The following ZBTB16 variants were observed in gnomAD, a reference collection of about 807,000 sequenced individuals.
ZBTB16 encodes the protein zinc finger and BTB domain containing 16, also known as zinc finger and BTB domain-containing protein 16.
A neutral mutation model predicts 56.8 loss-of-function variants in ZBTB16; 8 were observed. The observed-to-expected ratio is 0.14, with a 90% CI of 0.08 to 0.25. The LOEUF (loss-of-function observed/expected upper bound fraction) is 0.25, where lower values mean the gene tolerates loss of function less well. ZBTB16 is among the 10% of genes least tolerant of loss of function. The pLI is 1.00. For synonymous variants in ZBTB16, 363 were observed against 368.5 expected (o/e 0.98, Z 0.17); for missense variants, 625 against 903.0 (o/e 0.69, Z 3.95).
At chr11:114,085,798 G>A (rs531489639) in intron 2 of ZBTB16, among the ~76,000 whole-genome samples, 1 of 152,138 alleles carries the variant, frequency 6.6e-6, no homozygotes, top group Admixed American at 6.5e-5. Context: ...CATGGGGTAG[G>A]ATGGGAGATC....
chr11:114,244,932 C>T (rs1251529960), intron 5 of ZBTB16, among the ~76,000 whole-genome samples: 1 of 152,182 alleles, frequency 6.6e-6, no homozygotes, highest in Admixed American at 6.5e-5. Flanking sequence ...TGAAGTCTCA[C>T]GTGGCCTTGG....
At chr11:114,100,770 GACTGGGAT>G (rs1316547048) in intron 2 of ZBTB16, among the ~76,000 whole-genome samples, 1 of 152,180 alleles carries the variant, frequency 6.6e-6, no homozygotes, top group Non-Finnish European at 1.5e-5. Flanking sequence ...CCTTTTATAA[GACTGGGAT>G]ACTTACAAAC....
At chr11:114,148,668 T>C (rs184192227) in intron 2 of ZBTB16, among the ~76,000 whole-genome samples, 2,097 of 151,518 alleles carry the variant, frequency 0.014, 36 homozygotes, top group African/African-American at 0.042. Flanking sequence ...TAATTTTTTG[T>C]ATTTTTAGTA....
chr11:114,090,578 C>G (rs982889511), intron 2 of ZBTB16, among the ~76,000 whole-genome samples: 4 of 152,182 alleles, frequency 2.6e-5, no homozygotes, highest in Non-Finnish European at 4.4e-5. Flanking sequence ...GGGCTGAGGT[C>G]TAGGCAGGCA....
At chr11:114,122,196 G>A (rs1324432248) in intron 2 of ZBTB16, among the ~76,000 whole-genome samples, 1 of 152,190 alleles carries the variant, frequency 6.6e-6, no homozygotes, top group Non-Finnish European at 1.5e-5. Flanking sequence ...GGCATCCTTA[G>A]AATCTGTAAT....
At chr11:114,206,859 G>T (rs1591781855) in intron 4 of ZBTB16, among the ~76,000 whole-genome samples, 2 of 152,300 alleles carry the variant, frequency 1.3e-5, no homozygotes, top group South Asian at 2.1e-4. Context: ...TATGGCTTCT[G>T]CACACAGCAT....
intron 4 of ZBTB16, chr11:114,209,937 C>A: frequency 2.0e-6 from 2 of 985,368 alleles, no homozygotes; most frequent in Non-Finnish European, 1.2e-6. Flanking sequence ...GCCACAGGAA[C>A]AAAGAAATTT....
At chr11:114,222,744 G>C (rs1944253829) in intron 4 of ZBTB16, among the ~76,000 whole-genome samples, 1 of 152,176 alleles carries the variant, frequency 6.6e-6, no homozygotes, top group Admixed American at 6.5e-5. Flanking sequence ...TAGTGACATG[G>C]CTTTTGGCAT....
At chr11:114,235,019 G>A (rs1405326286) in intron 4 of ZBTB16, among the ~76,000 whole-genome samples, 4 of 147,222 alleles carry the variant, frequency 2.7e-5, no homozygotes, top group Non-Finnish European at 4.5e-5. Context: ...AGAGGGAGCA[G>A]AAAGACATAT....
rs559553783 is a variant in ZBTB16, at chr11:114,212,027, G to A, written c.1453+24989G>A. Among the ~76,000 whole-genome samples the A allele has an allele frequency of 1.6e-3, 237 of 152,278 alleles. 1 individual carries two copies. Among genetic ancestry groups the A allele is most frequent in the African/African-American group, 5.3e-3 (220 of 41,562 alleles). ...TATTTATGCCATTGAGGACTTGTCA[G>A]CGGTCTGGGGTCAAAGGGTCATCTC... On this transcript the variant is annotated intron_variant, in intron 4 of 6. Transcript: ENST00000335953.
In ZBTB16 at chr11:114,147,673, T is replaced by C. The variant is rs562458959; in HGVS notation, c.1269-8664T>C. ...TTTTCCTTTTCTAAAAGCACAACTT[T>C]TCTGGTCTCTTAAAAGAAAAAGAAA... On this transcript the variant is annotated intron_variant, in intron 2 of 6. Coordinates refer to ENST00000335953, the MANE Select transcript of ZBTB16 (RefSeq NM_006006.6). 1.4e-4 allele frequency among the ~76,000 whole-genome samples: 21 copies of C among 152,332 alleles called. No individual in the cohort carries two copies. In the East Asian group the frequency reaches 4.1e-3, roughly 29 times the overall value.
At chr11:114,120,082 T>C (rs1483247691) in intron 2 of ZBTB16, among the ~76,000 whole-genome samples, 1 of 152,094 alleles carries the variant, frequency 6.6e-6, no homozygotes, top group Non-Finnish European at 1.5e-5. Flanking sequence ...CTGGAGGCAG[T>C]GGAATGAGCC....
intron 4 of ZBTB16, among the ~76,000 whole-genome samples, chr11:114,233,957 GTGTGCATATGT>G (rs1944509726): frequency 6.6e-6 from 1 of 152,178 alleles, no homozygotes; most frequent in Non-Finnish European, 1.5e-5. Context: ...AAAGTTGTAT[GTGTGCATATGT>G]TTTGAAAAAT....
chr11:114,228,551 TAAG>T (rs1158804353), intron 4 of ZBTB16, among the ~76,000 whole-genome samples: 2 of 152,208 alleles, frequency 1.3e-5, no homozygotes, highest in African/African-American at 4.8e-5. Context: ...GACTCCAGGT[TAAG>T]AAGCCGTGCC....
chr11:114,212,012 A>G (rs1210209206), intron 4 of ZBTB16, among the ~76,000 whole-genome samples: 1 of 152,114 alleles, frequency 6.6e-6, no homozygotes, highest in Non-Finnish European at 1.5e-5. Flanking sequence ...TATTTATGCC[A>G]TTGAGGACTT....
chr11:114,161,963 G>C (rs1180279125), intron 3 of ZBTB16, among the ~76,000 whole-genome samples: 1 of 152,356 alleles, frequency 6.6e-6, no homozygotes, highest in South Asian at 2.1e-4. Flanking sequence ...CATTCTGCCA[G>C]GTGGGAGGCC....
chr11:114,165,989 T>C (rs930179543), intron 3 of ZBTB16, among the ~76,000 whole-genome samples: 1 of 152,140 alleles, frequency 6.6e-6, no homozygotes, highest in Admixed American at 6.5e-5. Flanking sequence ...TTGGTAGGGA[T>C]GGACCCTGAG....
At chr11:114,227,259 C>A (rs559287565) in intron 4 of ZBTB16, among the ~76,000 whole-genome samples, 3 of 152,276 alleles carry the variant, frequency 2.0e-5, no homozygotes, top group East Asian at 3.9e-4. Flanking sequence ...AGGTATCCCC[C>A]ACCTGTGTGC....
At chr11:114,065,717 T>A (rs1291492094) in intron 2 of ZBTB16, among the ~76,000 whole-genome samples, 1 of 152,190 alleles carries the variant, frequency 6.6e-6, no homozygotes, top group Non-Finnish European at 1.5e-5. Context: ...GTCCAGCTGG[T>A]AATGTCCTTC....
Sources: allele counts gnomAD v4.1 joint callset (sites outside exome capture counted in the v4.1 genomes callset), GRCh38; gene constraint gnomAD v4.1.1; transcripts MANE v1.5; gene names NCBI Gene and HGNC (gene_info 2026-07-23, HGNC 2026-07-21).